The following PDS5A variants were observed in gnomAD, a reference collection of about 807,000 sequenced individuals.
PDS5A encodes PDS5 cohesin associated factor A, also known as sister chromatid cohesion protein PDS5 homolog A.
Under a neutral mutation model 167.1 loss-of-function variants are expected in PDS5A, and 42 were observed. The ratio of observed to expected loss-of-function variants is 0.25; its 90% CI spans 0.20 to 0.33. The LOEUF is 0.33. PDS5A is among the 10% of genes least tolerant of loss of function. The pLI, the probability that PDS5A is intolerant of heterozygous loss-of-function variation, is 1.00. For missense variants in PDS5A, 1,033 were observed against 1,605.9 expected (o/e 0.64, Z 6.10); for synonymous variants, 553 against 554.6 (o/e 1.00, Z 0.04).
intron 28 of PDS5A, chr4:39,846,640 G>C (rs1717635128): frequency 6.6e-6 from 1 of 152,180 alleles, no homozygotes; most frequent in African/African-American, 2.4e-5. Flanking sequence ...AAAATTAGGA[G>C]TTCAAACTTG....
intron 2 of PDS5A, chr4:39,973,848 G>C: frequency 2.1e-6 from 2 of 947,736 alleles, no homozygotes; most frequent in Non-Finnish European, 3.4e-6. Context: ...CTGCAAGACC[G>C]GGCGCGGTGG....
intron 14 of PDS5A, 106 bp downstream of exon 14, chr4:39,900,320 A>G: frequency 1.5e-6 from 1 of 682,800 alleles, no homozygotes; most frequent in Non-Finnish European, 2.5e-6. Flanking sequence ...GACATTTGGA[A>G]AATAAAACAA....
chr4:39,867,952 CAA>C (rs776594378), intron 22 of PDS5A, among the ~76,000 whole-genome samples: 2 of 151,916 alleles, frequency 1.3e-5, no homozygotes, highest in Non-Finnish European at 2.9e-5. Flanking sequence ...AATGTCTAGT[CAA>C]AAGATTGTTA....
At chr4:39,976,779 G>A (rs543278729) in intron 1 of PDS5A, among the ~76,000 whole-genome samples, 162 bp from the exon 2 acceptor site, 10 of 152,214 alleles carry the variant, frequency 6.6e-5, no homozygotes, top group African/African-American at 2.2e-4. Context: ...AACCCCGCCG[G>A]CCCCGCCAAC....
At chr4:39,829,017 A>G (rs1715573396) in intron 32 of PDS5A, among the ~76,000 whole-genome samples, 1 of 152,176 alleles carries the variant, frequency 6.6e-6, no homozygotes, top group Non-Finnish European at 1.5e-5. Context: ...AACTTAGTGC[A>G]GCAATCCCGA....
At chr4:39,897,547 TACC>T (rs1245287995) in intron 16 of PDS5A, among the ~76,000 whole-genome samples, 13 of 152,132 alleles carry the variant, frequency 8.5e-5, no homozygotes, top group Admixed American at 8.5e-4. Flanking sequence ...TACAGGCATG[TACC>T]ACCACACCTG....
intron 32 of PDS5A, among the ~76,000 whole-genome samples, chr4:39,829,176 G>A (rs1272622404): frequency 6.6e-6 from 1 of 152,174 alleles, no homozygotes; most frequent in Admixed American, 6.5e-5. Flanking sequence ...AACCTTAACA[G>A]GATGATCCTC....
chr4:39,916,758 C>T (rs1223835934), intron 8 of PDS5A, among the ~76,000 whole-genome samples: 2 of 151,614 alleles, frequency 1.3e-5, no homozygotes, highest in Admixed American at 6.6e-5. Flanking sequence ...CCCAGCTACT[C>T]GGGAGGCTGA....
At position 39,904,096 on chromosome 4, in the gene PDS5A, G is replaced by T. The variant is rs766740882; in HGVS notation, c.1329C>A (p.Val443=). The T allele has an allele frequency of 6.2e-7, 1 of 1,611,866 alleles. No homozygotes were observed. The highest frequency in any genetic ancestry group is 8.5e-7 in the Non-Finnish European group (1 of 1,178,462). The change falls in exon 12 of 33, where the codon GTC becomes GTA. Residue 443 remains valine (V), a synonymous_variant. Transcript: ENST00000303538. ...GEAGKEAAEK[V]SWIKDKLLHI... Reference sequence around the variant, plus strand: ...GCAGAAGTTTGTCCTTTATCCAGCTGACTTTCTCTGCAGCTTCCTTTCCTG... The same window carrying T: ...GCAGAAGTTTGTCCTTTATCCAGCTTACTTTCTCTGCAGCTTCCTTTCCTG...
intron 2 of PDS5A, among the ~76,000 whole-genome samples, chr4:39,944,538 C>A (rs1727559848): frequency 6.6e-6 from 1 of 151,798 alleles, no homozygotes; most frequent in African/African-American, 2.4e-5. Flanking sequence ...ACTAAAAATA[C>A]AAAAACTTAG....
intron 32 of PDS5A, among the ~76,000 whole-genome samples, chr4:39,829,612 A>G (rs1445648649): frequency 8.1e-5 from 12 of 148,610 alleles, no homozygotes; most frequent in Non-Finnish European, 8.9e-5. Context: ...GCGCCACTAC[A>G]CTCCAGCCTG....
intron 9 of PDS5A, among the ~76,000 whole-genome samples, chr4:39,911,120 CCT>C (rs1158086058): frequency 1.3e-5 from 2 of 152,002 alleles, no homozygotes; most frequent in African/African-American, 2.4e-5. Context: ...GGTAACAGAC[CCT>C]GTCTCAAAAC....
chr4:39,841,148 T>C (rs1716969793), intron 31 of PDS5A, among the ~76,000 whole-genome samples: 1 of 152,100 alleles, frequency 6.6e-6, no homozygotes, highest in Admixed American at 6.5e-5. Context: ...AAACTCTCAA[T>C]TCCTTTTTTG....
intron 26 of PDS5A, among the ~76,000 whole-genome samples, chr4:39,851,125 T>C (rs889605858): frequency 6.6e-6 from 1 of 152,092 alleles, no homozygotes; most frequent in Non-Finnish European, 1.5e-5. Flanking sequence ...AGAATCCTGA[T>C]CAAAGAAAGG....
chr4:39,846,023 ACAAT>A (rs1717559465), intron 28 of PDS5A, 143 bp from the exon 29 acceptor site: 3 of 662,056 alleles, frequency 4.5e-6, no homozygotes, highest in Non-Finnish European at 6.3e-6. Context: ...AATTTATCAA[ACAAT>A]CAAAACAATC....
intron 30 of PDS5A, among the ~76,000 whole-genome samples, chr4:39,843,200 C>T (rs1717222118): frequency 6.6e-6 from 1 of 151,310 alleles, no homozygotes; most frequent in South Asian, 2.1e-4. Flanking sequence ...GAGACAGGGT[C>T]TTGCTTTGTC....
intron 18 of PDS5A, among the ~76,000 whole-genome samples, chr4:39,879,278 A>G (rs1328316050): frequency 6.6e-6 from 1 of 152,116 alleles, no homozygotes; most frequent in Non-Finnish European, 1.5e-5. Flanking sequence ...GCACTCGACA[A>G]TCTGGAACCA....
chr4:39,974,720 T>G (rs1048481269), intron 2 of PDS5A, among the ~76,000 whole-genome samples: 2 of 152,062 alleles, frequency 1.3e-5, no homozygotes, highest in African/African-American at 4.8e-5. Flanking sequence ...ATTTTGTATT[T>G]TTAGTAGAAC....
intron 7 of PDS5A, among the ~76,000 whole-genome samples, chr4:39,919,363 T>C (rs1578742439): frequency 1.3e-5 from 2 of 152,258 alleles, no homozygotes; most frequent in East Asian, 1.9e-4. Flanking sequence ...TTACATAAAA[T>C]AGCCGGGTGC....
Sources: allele counts gnomAD v4.1 joint callset (sites outside exome capture counted in the v4.1 genomes callset), GRCh38; gene constraint gnomAD v4.1.1; transcripts MANE v1.5; gene names NCBI Gene and HGNC (gene_info 2026-07-23, HGNC 2026-07-21).